Variants in SNTG2 observed in about 807,000 individuals in gnomAD.
SNTG2 encodes the protein syntrophin gamma 2.
SNTG2 carries 74 observed loss-of-function variants against 70.9 expected under a neutral mutation model. The ratio of observed to expected loss-of-function variants is 1.04; its 90% CI spans 0.86 to 1.27. The LOEUF is 1.27. Ranked by LOEUF, SNTG2 falls within the 50% of genes most tolerant of loss-of-function variation. The probability of loss-of-function intolerance (pLI) is 0.00; values close to 1 mark genes in which losing one functional copy is unlikely to be tolerated. For synonymous variants in SNTG2, 278 were observed against 273.8 expected, an observed-to-expected ratio of 1.02 and a Z score of -0.15; for missense variants, 717 against 690.7, an observed-to-expected ratio of 1.04 and a Z score of -0.43.
At chr2:1,155,287 C>A (rs1669814344) in intron 6 of SNTG2, among the ~76,000 whole-genome samples, 1 of 151,374 alleles carries the variant, frequency 6.6e-6, no homozygotes, top group Non-Finnish European at 1.5e-5. Context: ...ACATAACATA[C>A]ACATACCCAC....
At chr2:1,202,000 T>A (rs1022103943) in intron 8 of SNTG2, among the ~76,000 whole-genome samples, 5 of 151,988 alleles carry the variant, frequency 3.3e-5, no homozygotes, top group African/African-American at 9.7e-5. Flanking sequence ...AGCTTATTTT[T>A]AAAAATAAAT....
intron 1 of SNTG2, among the ~76,000 whole-genome samples, chr2:1,008,829 A>C (rs1364771850): frequency 1.3e-5 from 2 of 152,220 alleles, no homozygotes; most frequent in African/African-American, 4.8e-5. Context: ...TATTAAACTC[A>C]GGTTTCCCAG....
At chr2:1,004,117 T>A (rs1659493681) in intron 1 of SNTG2, among the ~76,000 whole-genome samples, 1 of 152,210 alleles carries the variant, frequency 6.6e-6, no homozygotes, top group Non-Finnish European at 1.5e-5. Flanking sequence ...TGGTTTTAAT[T>A]CTATAAAAGA....
intron 4 of SNTG2, 54 bp downstream of exon 4, chr2:1,098,464 A>G: frequency 6.5e-7 from 1 of 1,528,884 alleles, no homozygotes. Context: ...GTGAGATAAC[A>G]AATTACTGAA....
intron 16 of SNTG2, among the ~76,000 whole-genome samples, chr2:1,354,027 A>G (rs1212381501): frequency 6.6e-6 from 1 of 152,222 alleles, no homozygotes; most frequent in Non-Finnish European, 1.5e-5. Context: ...GCGTCCTAAA[A>G]GTTTTACCTA....
intron 6 of SNTG2, among the ~76,000 whole-genome samples, chr2:1,148,568 C>T (rs2147796792): frequency 6.6e-6 from 1 of 152,292 alleles, no homozygotes; most frequent in Middle Eastern, 3.4e-3. Context: ...ATTGCCCTCA[C>T]TACTGACCTG....
chr2:1,340,004 C>T (rs1416862290), intron 16 of SNTG2, among the ~76,000 whole-genome samples: 5 of 152,326 alleles, frequency 3.3e-5, no homozygotes, highest in Admixed American at 1.3e-4. Flanking sequence ...AGGCTGCTTC[C>T]GGGTGCTCCC....
intron 1 of SNTG2, among the ~76,000 whole-genome samples, chr2:1,050,398 T>C (rs1464131665): frequency 6.6e-6 from 1 of 152,186 alleles, no homozygotes; most frequent in Non-Finnish European, 1.5e-5. Context: ...CAAAGTTTGT[T>C]TCCTTCCTAT....
intron 2 of SNTG2, among the ~76,000 whole-genome samples, chr2:1,089,481 A>G (rs1268418425): frequency 6.6e-6 from 1 of 152,204 alleles, no homozygotes; most frequent in Non-Finnish European, 1.5e-5. Context: ...CTAAAAATAC[A>G]AAAATTAGTC....
chr2:1,209,972 G>T (rs545059101), intron 9 of SNTG2, among the ~76,000 whole-genome samples: 10 of 152,200 alleles, frequency 6.6e-5, no homozygotes, highest in African/African-American at 2.4e-4. Flanking sequence ...GTGTGAATGT[G>T]TGTGGCCGTG....
At chr2:1,352,490 C>T (rs1431505034) in intron 16 of SNTG2, among the ~76,000 whole-genome samples, 1 of 152,224 alleles carries the variant, frequency 6.6e-6, no homozygotes, top group Non-Finnish European at 1.5e-5. Flanking sequence ...CAGGTTTGAG[C>T]ACACAGTTCA....
chr2:1,164,023 A>G (rs2147855577), intron 6 of SNTG2, among the ~76,000 whole-genome samples: 1 of 152,358 alleles, frequency 6.6e-6, no homozygotes, highest in South Asian at 2.1e-4. Flanking sequence ...CAGGTAGGCA[A>G]TGACGGGCAT....
intron 4 of SNTG2, among the ~76,000 whole-genome samples, chr2:1,111,746 G>C (rs578048691): frequency 1.5e-4 from 23 of 152,238 alleles, no homozygotes; most frequent in Non-Finnish European, 2.2e-4. Context: ...GAGAAGAATC[G>C]TGTGTTCTAA....
At position 1,060,790 on chromosome 2, in the gene SNTG2, CA is replaced by C. The variant is rs371938222; in HGVS notation, c.73-22725del. Among the ~76,000 whole-genome samples the C allele has an allele frequency of 1.2e-3, 186 of 152,252 alleles. 2 individuals carry two copies. The highest frequency in any genetic ancestry group is 4.4e-3 in the African/African-American group (183 of 41,542). On this transcript the variant is annotated intron_variant, in intron 1 of 16. Coordinates refer to ENST00000308624, the MANE Select transcript of SNTG2 (RefSeq NM_018968.4). ...TAGATGCCAACTAACAAATTGAAAACAAATGCTGAAGTTATAATAAAAGCTA... is the reference window on the plus strand; with the variant it reads ...TAGATGCCAACTAACAAATTGAAAACAATGCTGAAGTTATAATAAAAGCTA...
chr2:1,242,696 C>T (rs1254012414), intron 11 of SNTG2: 6 of 152,152 alleles, frequency 3.9e-5, no homozygotes. Context: ...TGACCCCCTG[C>T]AGAAAACCCT....
intron 6 of SNTG2, among the ~76,000 whole-genome samples, chr2:1,159,096 A>C (rs955097786): frequency 1.6e-5 from 1 of 60,892 alleles, no homozygotes; most frequent in Non-Finnish European, 5.0e-5. Context: ...GTGTATGTGC[A>C]TGCGTGTACC....
intron 12 of SNTG2, 60 bp downstream of exon 12, chr2:1,247,503 G>C (rs1677504236): frequency 1.7e-6 from 2 of 1,185,116 alleles, no homozygotes; most frequent in Non-Finnish European, 2.5e-6. Flanking sequence ...TCCTGTAGGA[G>C]GGGGAAAGCT....
intron 1 of SNTG2, among the ~76,000 whole-genome samples, chr2:1,063,009 C>T (rs767394737): frequency 2.0e-5 from 3 of 152,120 alleles, no homozygotes; most frequent in South Asian, 2.1e-4. Context: ...TTCTACTGTT[C>T]GTTGATATGA....
rs576020751 is a variant in SNTG2 at position 967,210 on chromosome 2, C to CT, written c.72+16150dup. ...TCTTTTAGCAACTGGTACTCTTTTT[C>CT]TTTTTTTTCTATTGACCTATTGTAA... On this transcript the variant is annotated intron_variant, in intron 1 of 16. Transcript: ENST00000308624. 5.1e-4 allele frequency among the ~76,000 whole-genome samples: 77 copies of CT among 152,060 alleles called. No individual in the cohort carries two copies. The South Asian group carries it at 0.011, about 23-fold the overall frequency.
Sources: gnomAD v4.1 joint callset for allele counts (sites outside exome capture counted in the v4.1 genomes callset) on GRCh38, gnomAD v4.1.1 for gene constraint, MANE v1.5 for transcripts, NCBI Gene and HGNC (gene_info 2026-07-23, HGNC 2026-07-21) for gene names.